Variants in USP34 observed in about 807,000 individuals in gnomAD.
USP34 encodes the protein ubiquitin carboxyl-terminal hydrolase 34.
A neutral mutation model predicts 460.3 loss-of-function variants in USP34; 70 were observed. The observed-to-expected ratio is 0.15, with a 90% CI of 0.13 to 0.19. The LOEUF (loss-of-function observed/expected upper bound fraction) is 0.19, where lower values mean the gene tolerates loss of function less well. USP34 is among the 10% of genes least tolerant of loss of function. The pLI is 1.00. For missense variants in USP34, 3,985 were observed against 4,236.2 expected, an observed-to-expected ratio of 0.94 and a Z score of 1.65; for synonymous variants, 1,647 against 1,405.3, an observed-to-expected ratio of 1.17 and a Z score of -3.85.
Position 61,228,727 on chromosome 2 carries a change from A to G in USP34, c.7369-8T>C. The G allele has an allele frequency of 1.2e-6, 2 of 1,601,720 alleles. No individual in the cohort carries two copies. The highest frequency in any genetic ancestry group is 1.7e-6 in the Non-Finnish European group (2 of 1,176,206). Reference sequence around the variant, plus strand: ...TGAAAGCAAAAATTGGCTCTAAACAAACAAACAAACAAAATTTAAAAATAT... The same window carrying G: ...TGAAAGCAAAAATTGGCTCTAAACAGACAAACAAACAAAATTTAAAAATAT... On this transcript the variant is annotated splice_polypyrimidine_tract_variant and splice_region_variant and intron_variant, in intron 60 of 79. Transcript: ENST00000398571.
intron 75 of USP34, chr2:61,194,285 G>A (rs927318104): frequency 1.1e-5 from 11 of 985,278 alleles, no homozygotes; most frequent in African/African-American, 1.7e-5. Context: ...AATCTGGTTG[G>A]TGTTTGGCAG....
At chr2:61,410,827 G>T (rs1425532948) in intron 2 of USP34, among the ~76,000 whole-genome samples, 1 of 152,138 alleles carries the variant, frequency 6.6e-6, no homozygotes, top group African/African-American at 2.4e-5. Context: ...CTTCCAACTA[G>T]CTATGAAATG....
At chr2:61,227,032 C>T (rs1687748384) in intron 62 of USP34, 35 bp downstream of exon 62, 1 of 1,554,410 alleles carries the variant, frequency 6.4e-7, no homozygotes. Flanking sequence ...TAAAACCAAA[C>T]ATGCTTTAAA....
At chr2:61,356,719 G>A (rs1319260974) in intron 10 of USP34, among the ~76,000 whole-genome samples, 7 of 152,144 alleles carry the variant, frequency 4.6e-5, no homozygotes, top group Non-Finnish European at 1.0e-4. Context: ...GATGAGAGGG[G>A]AAAATGAGGA....
intron 3 of USP34, among the ~76,000 whole-genome samples, chr2:61,398,393 G>A (rs1172810428): frequency 6.9e-6 from 1 of 144,022 alleles, no homozygotes; most frequent in Non-Finnish European, 1.5e-5. Context: ...GATGGGGGAG[G>A]ACAGAAAGAG....
intron 41 of USP34, among the ~76,000 whole-genome samples, chr2:61,270,738 G>A (rs1443416184): frequency 6.6e-6 from 1 of 152,020 alleles, no homozygotes; most frequent in Non-Finnish European, 1.5e-5. Context: ...GCCTGGCCCA[G>A]TTTACAATAT....
chr2:61,196,210 A>G (rs1417049960), intron 75 of USP34, among the ~76,000 whole-genome samples: 2 of 146,752 alleles, frequency 1.4e-5, no homozygotes, highest in African/African-American at 5.0e-5. Flanking sequence ...CATCCCAAGT[A>G]GCTGGGACTA....
intron 1 of USP34, among the ~76,000 whole-genome samples, chr2:61,432,337 A>G (rs1176722446): frequency 1.3e-5 from 2 of 152,282 alleles, no homozygotes; most frequent in African/African-American, 2.4e-5. Context: ...TTAGCTGGGC[A>G]TAATATCCCG....
intron 2 of USP34, among the ~76,000 whole-genome samples, chr2:61,412,463 T>A (rs1694069417): frequency 6.6e-6 from 1 of 152,092 alleles, no homozygotes; most frequent in Non-Finnish European, 1.5e-5. Context: ...CAAATACATA[T>A]CATATACCTT....
At chr2:61,256,317 G>T in intron 48 of USP34, 67 bp downstream of exon 48, 2 of 1,399,866 alleles carry the variant, frequency 1.4e-6, no homozygotes, top group Non-Finnish European at 2.0e-6. Flanking sequence ...TTTAATCTTA[G>T]TTTACCCTTA....
At chr2:61,319,084 A>G (rs1690836509) in intron 22 of USP34, 89 bp downstream of exon 22, 5 of 1,255,812 alleles carry the variant, frequency 4.0e-6, no homozygotes, top group Non-Finnish European at 5.3e-6. Flanking sequence ...AAAACTGTCA[A>G]AAAAAAAAAG....
intron 16 of USP34, among the ~76,000 whole-genome samples, chr2:61,340,465 A>T (rs1377052702): frequency 1.3e-5 from 2 of 152,222 alleles, no homozygotes; most frequent in African/African-American, 2.4e-5. Flanking sequence ...TATGTTTAAA[A>T]GAAAACTGCT....
chr2:61,450,074 A>T (rs1181879378), intron 1 of USP34, among the ~76,000 whole-genome samples: 1 of 139,346 alleles, frequency 7.2e-6, no homozygotes, highest in East Asian at 2.1e-4. Context: ...TCAAAAAATA[A>T]AAATAAAAAT....
chr2:61,373,009 C>A (rs1450946139), intron 8 of USP34, among the ~76,000 whole-genome samples: 1 of 152,066 alleles, frequency 6.6e-6, no homozygotes, highest in South Asian at 2.1e-4. Context: ...TAAGCATACA[C>A]AAGGGAACCA....
chr2:61,420,177 G>A (rs1278623685), intron 2 of USP34, among the ~76,000 whole-genome samples: 1 of 152,066 alleles, frequency 6.6e-6, no homozygotes, highest in Non-Finnish European at 1.5e-5. Flanking sequence ...TTAAGTTAAA[G>A]TAATTTTTAT....
chr2:61,319,187 G>A lies in USP34; in HGVS notation c.3154C>T (p.Leu1052Phe). 6.4e-7 allele frequency: 1 copy of A among 1,557,928 alleles called. No homozygotes were observed. The highest frequency in any genetic ancestry group is 8.6e-7 in the Non-Finnish European group (1 of 1,161,888). ...AATGTAATTACCTTCTCCAGGAAAA[G>A]ATGTTTGTAGGTTTCCATACCCATA... Reference protein sequence around the residue: ...HAMGMETYKHLFLEKMPQLKP... With the variant: ...HAMGMETYKHFFLEKMPQLKP... The change falls in exon 22 of 80, where the codon CTT becomes TTT. Residue 1052 changes from leucine (L) to phenylalanine (F), a missense_variant. By Grantham distance (22) the Leu-to-Phe change is conservative. Coordinates refer to ENST00000398571, the MANE Select transcript of USP34 (RefSeq NM_014709.4).
rs1689644229 is a variant in USP34, at chr2:61,284,951, G to T, written c.4756C>A (p.Leu1586Ile). The change falls in exon 35 of 80, where the codon CTT becomes ATT. Residue 1586 changes from leucine to isoleucine, a missense_variant. This residue lies in a region of USP34 where 1,114 missense variants were observed against 1,122.5 expected (regional missense o/e 0.99). Transcript: ENST00000398571. ...AAACTGGTTCCTTGGACAAGAACAA[G>T]AAATACCTTTAAAACAAAAACATTT... Reference protein sequence around the residue: ...LHIPRLTEVFLVLVQGTSLIQ... With the variant: ...LHIPRLTEVFIVLVQGTSLIQ... 6.2e-7 allele frequency: 1 copy of T among 1,607,390 alleles called. No homozygotes were observed. Among genetic ancestry groups the T allele is most frequent in the Non-Finnish European group, 8.5e-7 (1 of 1,177,244 alleles).
At chr2:61,459,702 G>C (rs1056611938) in intron 1 of USP34, among the ~76,000 whole-genome samples, 15 of 151,016 alleles carry the variant, frequency 9.9e-5, no homozygotes, top group East Asian at 3.9e-4. Context: ...GCTTGAACCC[G>C]GGAGGCGAAG....
chr2:61,435,460 A>C (rs1300693650), intron 1 of USP34, among the ~76,000 whole-genome samples: 2 of 152,068 alleles, frequency 1.3e-5, no homozygotes, highest in Non-Finnish European at 2.9e-5. Flanking sequence ...GTACTAAAAA[A>C]AAAACAAAAA....
Sources: gnomAD v4.1 joint callset for allele counts (sites outside exome capture counted in the v4.1 genomes callset) on GRCh38, gnomAD v4.1.1 for gene constraint, gnomAD v4.1.1 regional missense constraint, MANE v1.5 for transcripts, NCBI Gene and HGNC (gene_info 2026-07-23, HGNC 2026-07-21) for gene names.